GLCCI1: variants seen among roughly 807,000 people sequenced by gnomAD.
GLCCI1 encodes the protein glucocorticoid-induced transcript 1 protein.
Under a neutral mutation model 52.2 loss-of-function variants are expected in GLCCI1, and 24 were observed. The observed-to-expected ratio is 0.46, with a 90% CI of 0.33 to 0.65. The LOEUF (loss-of-function observed/expected upper bound fraction) is 0.65. GLCCI1 is among the 30% of genes least tolerant of loss of function. The pLI, the probability that GLCCI1 is intolerant of heterozygous loss-of-function variation, is 0.02. For synonymous variants in GLCCI1, 310 were observed against 276.5 expected, an observed-to-expected ratio of 1.12 and a Z score of -1.20; for missense variants, 704 against 701.5, an observed-to-expected ratio of 1.00 and a Z score of -0.04.
chr7:8,023,992 G>T (rs999567544), intron 3 of GLCCI1, among the ~76,000 whole-genome samples: 3 of 152,086 alleles, frequency 2.0e-5, no homozygotes, highest in African/African-American at 4.8e-5. Flanking sequence ...GTTCTCTTAT[G>T]TATTGAACTT....
chr7:7,981,975 A>C (rs1263762886), intron 1 of GLCCI1: 1 of 421,664 alleles, frequency 2.4e-6, no homozygotes, highest in Non-Finnish European at 4.7e-6. Flanking sequence ...CAAAAATATT[A>C]ATCCAGATAA....
chr7:8,001,201 G>A (rs1781043247), intron 1 of GLCCI1, among the ~76,000 whole-genome samples: 1 of 152,136 alleles, frequency 6.6e-6, no homozygotes, highest in South Asian at 2.1e-4. Context: ...CATGTTTAAT[G>A]CTTCCTTCAG....
At chr7:8,079,338 A>G (rs939304457) in intron 6 of GLCCI1, among the ~76,000 whole-genome samples, 13 of 146,826 alleles carry the variant, frequency 8.9e-5, no homozygotes, top group African/African-American at 1.4e-4. Context: ...AAACTTGACA[A>G]TATAAAAATT....
chr7:8,059,804 T>A (rs1477069700), intron 4 of GLCCI1, among the ~76,000 whole-genome samples: 1 of 152,204 alleles, frequency 6.6e-6, no homozygotes, highest in East Asian at 1.9e-4. Flanking sequence ...AGGAAAACAA[T>A]GTAAATAATG....
intron 2 of GLCCI1, among the ~76,000 whole-genome samples, chr7:8,012,304 T>G (rs1781279756): frequency 6.6e-6 from 1 of 152,092 alleles, no homozygotes; most frequent in Non-Finnish European, 1.5e-5. Context: ...TCAAGTCCTT[T>G]GTCTATTTTT....
intron 6 of GLCCI1, among the ~76,000 whole-genome samples, chr7:8,081,171 G>T (rs765993784): frequency 2.6e-5 from 4 of 151,954 alleles, no homozygotes; most frequent in Non-Finnish European, 5.9e-5. Context: ...TGTGCTTCAG[G>T]TGCACGTGGG....
At chr7:8,009,172 A>C (rs1034041995) in intron 2 of GLCCI1, among the ~76,000 whole-genome samples, 9 of 152,196 alleles carry the variant, frequency 5.9e-5, no homozygotes, top group Admixed American at 5.2e-4. Context: ...TCCATTTGTG[A>C]AATTTAATAT....
intron 5 of GLCCI1, among the ~76,000 whole-genome samples, chr7:8,062,300 G>A (rs748990619): frequency 1.3e-5 from 2 of 152,068 alleles, no homozygotes; most frequent in Non-Finnish European, 2.9e-5. Context: ...AAGGAAAATT[G>A]TCTGGTTAAC....
intron 1 of GLCCI1, among the ~76,000 whole-genome samples, chr7:7,978,191 C>G (rs560691241): frequency 3.3e-5 from 5 of 152,238 alleles, no homozygotes; most frequent in African/African-American, 1.2e-4. Context: ...TTAAAAACTT[C>G]CTTTCACATG....
intron 3 of GLCCI1, among the ~76,000 whole-genome samples, chr7:8,041,463 A>G (rs192977749): frequency 8.5e-5 from 13 of 152,368 alleles, no homozygotes; most frequent in Non-Finnish European, 1.6e-4. Context: ...CTACACTAAC[A>G]GGTTTTCATT....
At chr7:7,972,319 G>A (rs959769982) in intron 1 of GLCCI1, among the ~76,000 whole-genome samples, 1 of 150,582 alleles carries the variant, frequency 6.6e-6, no homozygotes, top group Non-Finnish European at 1.5e-5. Context: ...GCACACTTCA[G>A]TGTATGTGTG....
At chr7:8,053,339 G>GTTTTTTT (rs112047406) in intron 3 of GLCCI1, among the ~76,000 whole-genome samples, 7 of 134,398 alleles carry the variant, frequency 5.2e-5, no homozygotes, top group Non-Finnish European at 7.8e-5. Flanking sequence ...TTGTTTGTTT[G>GTTTTTTT]TTTTGAGACA....
intron 3 of GLCCI1, among the ~76,000 whole-genome samples, chr7:8,054,343 T>G (rs1782337037): frequency 6.6e-6 from 1 of 152,150 alleles, no homozygotes; most frequent in Admixed American, 6.5e-5. Flanking sequence ...TTTGTGTATC[T>G]TTTGCAAGCA....
At chr7:8,064,935 C>G (rs573031175) in intron 5 of GLCCI1, among the ~76,000 whole-genome samples, 6 of 152,082 alleles carry the variant, frequency 3.9e-5, no homozygotes, top group Non-Finnish European at 8.8e-5. Context: ...CCAGGATGGT[C>G]TCGATCTCCT....
chr7:7,978,352 T>G (rs1218818327), intron 1 of GLCCI1, among the ~76,000 whole-genome samples: 1 of 152,220 alleles, frequency 6.6e-6, no homozygotes, highest in Non-Finnish European at 1.5e-5. Context: ...CCTTTGATAT[T>G]TTAGCAACAT....
intron 2 of GLCCI1, among the ~76,000 whole-genome samples, chr7:8,018,493 G>A (rs750773139): frequency 4.6e-5 from 7 of 152,096 alleles, no homozygotes; most frequent in Non-Finnish European, 7.4e-5. Flanking sequence ...TATTCATTTT[G>A]AAGCCTCTTT....
chr7:8,073,578 TA>T (rs1441342437), intron 6 of GLCCI1, among the ~76,000 whole-genome samples: 2 of 152,152 alleles, frequency 1.3e-5, no homozygotes, highest in African/African-American at 4.8e-5. Flanking sequence ...TCCTAATAGT[TA>T]AAAAATATTT....
intron 2 of GLCCI1, among the ~76,000 whole-genome samples, chr7:8,006,402 C>A (rs368497518): frequency 6.6e-6 from 1 of 152,066 alleles, no homozygotes; most frequent in South Asian, 2.1e-4. Context: ...AAGGAAAGAA[C>A]GCTGGATATG....
At chr7:7,977,489 T>C (rs1369078044) in intron 1 of GLCCI1, among the ~76,000 whole-genome samples, 1 of 152,216 alleles carries the variant, frequency 6.6e-6, no homozygotes, top group African/African-American at 2.4e-5. Context: ...ATTTTCCAAA[T>C]GGTTCCATAG....
Sources: gnomAD v4.1 joint callset for allele counts (sites outside exome capture counted in the v4.1 genomes callset) on GRCh38, gnomAD v4.1.1 for gene constraint, MANE v1.5 for transcripts, NCBI Gene and HGNC (gene_info 2026-07-23, HGNC 2026-07-21) for gene names.